The following ACO2 variants were observed in gnomAD, a reference collection of about 807,000 sequenced individuals.
ACO2 encodes aconitase 2.
Under a neutral mutation model 84.5 loss-of-function variants are expected in ACO2, and 31 were observed. The observed-to-expected ratio is 0.37, with a 90% CI of 0.28 to 0.50. The LOEUF (loss-of-function observed/expected upper bound fraction) is 0.50. ACO2 is among the 20% of genes least tolerant of loss of function. ACO2 has a pLI of 0.97. For synonymous variants in ACO2, 414 were observed against 412.7 expected, an observed-to-expected ratio of 1.00 and a Z score of -0.04; for missense variants, 685 against 1,029.3, an observed-to-expected ratio of 0.67 and a Z score of 4.58.
At position 41,515,995 on chromosome 22, in the gene ACO2, G is replaced by C; in HGVS notation, c.835+78G>C. On this transcript the variant is annotated intron_variant, in intron 6 of 17. Transcript: ENST00000216254. This position sits in a 1 kb window ranked among gnomAD's most constrained non-coding sequence, Gnocchi z 5.8. Reference sequence around the variant, plus strand: ...GTCTCCAGTTGGGAGTAGAAGCGGTGAATGGCCTTCACTTGAGAATCTGTC... The same window carrying C: ...GTCTCCAGTTGGGAGTAGAAGCGGTCAATGGCCTTCACTTGAGAATCTGTC... 2 of 1,533,104 alleles carry C rather than the reference G, an allele frequency of 1.3e-6. No individual in the cohort carries two copies. The highest frequency in any genetic ancestry group is 1.8e-6 in the Non-Finnish European group (2 of 1,126,678). The allele number at this position is 1,533,104 out of a possible 1,614,324, so 95.0% of individuals were successfully genotyped here.
At chr22:41,525,075 G>T in intron 13 of ACO2, 107 bp downstream of exon 13, 3 of 1,602,418 alleles carry the variant, frequency 1.9e-6, no homozygotes, top group East Asian at 2.2e-5. Context: ...CTAGTGAGAA[G>T]GAAGCAGCTC....
intron 6 of ACO2, among the ~76,000 whole-genome samples, chr22:41,517,123 C>A (rs972437119): frequency 2.0e-5 from 3 of 152,160 alleles, no homozygotes; most frequent in African/African-American, 7.2e-5. Flanking sequence ...GACCTTGAAT[C>A]TCTCTGAGCC....
intron 2 of ACO2, among the ~76,000 whole-genome samples, chr22:41,505,978 A>G (rs1245238423): frequency 6.6e-6 from 1 of 152,202 alleles, no homozygotes; most frequent in Admixed American, 6.5e-5. Context: ...ATCCCAGTGC[A>G]AGCCCTGGTA....
At position 41,520,279 on chromosome 22, in the gene ACO2, G is replaced by A. The variant is rs772876028; in HGVS notation, c.1138+3G>A. ...ATGGCCTCTGGACATCCGAGTGGGTGAGCACCTTCCACCCCATCTGTTTAG... is the reference window on the plus strand; with the variant it reads ...ATGGCCTCTGGACATCCGAGTGGGTAAGCACCTTCCACCCCATCTGTTTAG... On this transcript the variant is annotated splice_donor_region_variant and intron_variant, in intron 9 of 17. Coordinates refer to ENST00000216254, the MANE Select transcript of ACO2 (RefSeq NM_001098.3). 74 of 1,612,518 alleles carry A rather than the reference G, an allele frequency of 4.6e-5. No individual in the cohort carries two copies. Among genetic ancestry groups the A allele is most frequent in the Non-Finnish European group, 5.9e-5 (70 of 1,178,822 alleles).
intron 1 of ACO2, among the ~76,000 whole-genome samples, chr22:41,485,586 GC>G (rs1391544867): frequency 6.6e-6 from 1 of 151,690 alleles, no homozygotes; most frequent in Non-Finnish European, 1.5e-5. Flanking sequence ...GACTACAGGC[GC>G]CCACCACCAC....
At chr22:41,521,136 G>T (rs2066523336) in intron 9 of ACO2, among the ~76,000 whole-genome samples, 3 of 150,750 alleles carry the variant, frequency 2.0e-5, no homozygotes, top group Non-Finnish European at 2.9e-5. Context: ...CAATCAAGAA[G>T]AATTTTTAAA....
intron 15 of ACO2, 83 bp downstream of exon 15, chr22:41,526,536 G>A: frequency 1.4e-6 from 2 of 1,469,492 alleles, no homozygotes; most frequent in South Asian, 2.7e-5. Flanking sequence ...CATTAGGGGA[G>A]TGGAAACTGG....
intron 15 of ACO2, chr22:41,526,705 C>G (rs1036960444): frequency 8.9e-6 from 4 of 449,026 alleles, no homozygotes; most frequent in African/African-American, 2.0e-5. Context: ...ATATCTGGCC[C>G]TAGACAAAGA....
intron 8 of ACO2, among the ~76,000 whole-genome samples, chr22:41,519,006 A>C (rs1435758633): frequency 6.6e-6 from 1 of 152,176 alleles, no homozygotes; most frequent in Non-Finnish European, 1.5e-5. Context: ...GTGTTCCTGC[A>C]AACTGCTTCC....
intron 1 of ACO2, among the ~76,000 whole-genome samples, chr22:41,486,453 C>T (rs997581830): frequency 4.0e-5 from 6 of 151,544 alleles, no homozygotes; most frequent in African/African-American, 1.5e-4. Flanking sequence ...GCCACCACGC[C>T]CGGCTAACTT....
At chr22:41,499,655 A>AT (rs2066339447) in intron 1 of ACO2, 71 bp from the exon 2 acceptor site, 5 of 1,535,628 alleles carry the variant, frequency 3.3e-6, no homozygotes, top group Non-Finnish European at 4.4e-6. Context: ...TTTTCACCAT[A>AT]CTGAGCTGCC....
chr22:41,509,196 G>T (rs1389789270), intron 3 of ACO2, among the ~76,000 whole-genome samples: 1 of 152,188 alleles, frequency 6.6e-6, no homozygotes, highest in Non-Finnish European at 1.5e-5. Flanking sequence ...CCACAACAGG[G>T]CTGCTACCTT....
intron 1 of ACO2, chr22:41,469,648 G>A (rs1489858249): frequency 1.2e-5 from 2 of 161,244 alleles, no homozygotes; most frequent in Non-Finnish European, 2.7e-5. Context: ...GAAGAAACTA[G>A]GACCCTGTAC....
At chr22:41,473,841 G>A (rs142385443) in intron 1 of ACO2, among the ~76,000 whole-genome samples, 122 of 152,290 alleles carry the variant, frequency 8.0e-4, no homozygotes, top group Non-Finnish European at 1.3e-3. Flanking sequence ...CTAGGTATGA[G>A]CTGAGTGTGT....
chr22:41,525,130 G>C (rs915390626), intron 13 of ACO2, 63 bp from the exon 14 acceptor site: 2 of 1,598,412 alleles, frequency 1.3e-6, no homozygotes, highest in Non-Finnish European at 1.7e-6. Flanking sequence ...CTTGCCTTCT[G>C]AGAGTCTGTC....
At chr22:41,508,169 T>C in intron 3 of ACO2, 120 bp downstream of exon 3, 1 of 1,318,444 alleles carries the variant, frequency 7.6e-7, no homozygotes, top group Non-Finnish European at 1.0e-6. Context: ...TGGATTGGTC[T>C]GCTTTTAAAA....
At chr22:41,499,101 A>G (rs534205126) in intron 1 of ACO2, among the ~76,000 whole-genome samples, 1 of 152,152 alleles carries the variant, frequency 6.6e-6, no homozygotes, top group East Asian at 1.9e-4. Context: ...CAAAAAAAAA[A>G]AAAAAAGGAA....
At chr22:41,477,155 TA>T (rs1462551606) in intron 1 of ACO2, among the ~76,000 whole-genome samples, 167 of 149,750 alleles carry the variant, frequency 1.1e-3, no homozygotes, top group African/African-American at 3.9e-3. Flanking sequence ...TTTATTTATT[TA>T]TTTATTTATT....
intron 1 of ACO2, among the ~76,000 whole-genome samples, chr22:41,492,801 A>G (rs2066281409): frequency 1.3e-5 from 2 of 151,878 alleles, no homozygotes; most frequent in Admixed American, 6.6e-5. Flanking sequence ...AAAATTAGCC[A>G]GGCGTCATGG....
Sources: allele counts gnomAD v4.1 joint callset (sites outside exome capture counted in the v4.1 genomes callset), GRCh38; gene constraint gnomAD v4.1.1; non-coding constraint Gnocchi (gnomAD v3.1); transcripts MANE v1.5; gene names NCBI Gene and HGNC (gene_info 2026-07-23, HGNC 2026-07-21).